Variants in TBCA observed in about 807,000 individuals in gnomAD.
TBCA encodes tubulin-specific chaperone A.
A neutral mutation model predicts 15.8 loss-of-function variants in TBCA; 6 were observed. That is an observed-to-expected ratio of 0.38 (90% CI 0.21 to 0.75). The LOEUF is 0.75. TBCA is among the 30% of genes least tolerant of loss of function. The pLI is 0.46. For missense variants in TBCA, 90 were observed against 131.2 expected, an observed-to-expected ratio of 0.69 and a Z score of 1.53; for synonymous variants, 32 against 42.3, an observed-to-expected ratio of 0.76 and a Z score of 0.94.
At chr5:77,753,716 T>C (rs1157564236) in intron 1 of TBCA, among the ~76,000 whole-genome samples, 3 of 152,232 alleles carry the variant, frequency 2.0e-5, no homozygotes, top group Non-Finnish European at 4.4e-5. Flanking sequence ...AGTTCAATTT[T>C]AACAAAAACT....
intron 2 of TBCA, among the ~76,000 whole-genome samples, chr5:77,696,038 C>T (rs1218845680): frequency 6.6e-6 from 1 of 152,116 alleles, no homozygotes. Context: ...AAAGGATATA[C>T]CCCAATTGGC....
chr5:77,767,470 T>C (rs1170589897), intron 1 of TBCA, among the ~76,000 whole-genome samples: 2 of 152,230 alleles, frequency 1.3e-5, no homozygotes, highest in Admixed American at 6.5e-5. Flanking sequence ...ATTTTGAAAT[T>C]AGGGTTCTCC....
Position 77,776,244 on chromosome 5 carries a change from C to T in TBCA, c.14G>A (p.Arg5His). 6.3e-7 allele frequency: 1 copy of T among 1,579,640 alleles called. No individual in the cohort carries two copies. Among genetic ancestry groups the T allele is most frequent in the Non-Finnish European group, 8.6e-7 (1 of 1,163,762 alleles). The change falls in exon 1 of 4, where the codon CGC becomes CAC. Residue 5 changes from arginine to histidine, a missense_variant. Arg to His is a conservative substitution (Grantham distance 29). Coordinates refer to ENST00000380377, the MANE Select transcript of TBCA (RefSeq NM_004607.3). MADPRVRQIKIKTGV... is the reference protein window; with the variant it reads MADPHVRQIKIKTGV... ...GGTCTTGATCTTGATCTGTCTCACG[C>T]GAGGATCGGCCATGGTCCCTCGAGC...
intron 1 of TBCA, among the ~76,000 whole-genome samples, chr5:77,726,549 T>C (rs1372010636): frequency 1.3e-5 from 2 of 152,204 alleles, no homozygotes; most frequent in Non-Finnish European, 2.9e-5. Flanking sequence ...AAAAATACTA[T>C]TGGATGTATT....
At chr5:77,694,044 A>G (rs1303238173) in intron 2 of TBCA, among the ~76,000 whole-genome samples, 2 of 152,164 alleles carry the variant, frequency 1.3e-5, no homozygotes, top group African/African-American at 4.8e-5. Flanking sequence ...TATCTCCTGC[A>G]TCTTTTGAGT....
chr5:77,735,489 CTG>C (rs1186463146), intron 1 of TBCA, among the ~76,000 whole-genome samples: 1 of 152,074 alleles, frequency 6.6e-6, no homozygotes, highest in Non-Finnish European at 1.5e-5. Flanking sequence ...TTAAATAAAA[CTG>C]TATTTAACAT....
intron 1 of TBCA, among the ~76,000 whole-genome samples, chr5:77,775,856 G>A (rs761565074): frequency 1.3e-5 from 2 of 152,204 alleles, no homozygotes; most frequent in Non-Finnish European, 1.5e-5. Context: ...AGGAGAGGCC[G>A]GCGCGCGCAC....
At chr5:77,697,918 C>T (rs1211712896) in intron 2 of TBCA, among the ~76,000 whole-genome samples, 1 of 151,772 alleles carries the variant, frequency 6.6e-6, no homozygotes, top group African/African-American at 2.4e-5. Context: ...TCGCTTGAGC[C>T]CAGGAATTCG....
chr5:77,705,222 A>T (rs1385823529), intron 2 of TBCA, among the ~76,000 whole-genome samples: 4 of 152,232 alleles, frequency 2.6e-5, no homozygotes, highest in Admixed American at 2.6e-4. Flanking sequence ...CCTCTACTCC[A>T]TGTAACTGAT....
intron 1 of TBCA, among the ~76,000 whole-genome samples, chr5:77,751,309 C>A (rs367808466): frequency 3.3e-5 from 5 of 151,624 alleles, no homozygotes; most frequent in Non-Finnish European, 4.4e-5. Context: ...TTATAGGCGC[C>A]CACCACCACG....
At chr5:77,739,401 T>C (rs1462166528) in intron 1 of TBCA, among the ~76,000 whole-genome samples, 2 of 152,136 alleles carry the variant, frequency 1.3e-5, no homozygotes, top group Non-Finnish European at 2.9e-5. Flanking sequence ...GCAGAGGTTG[T>C]GGTGAGCCAA....
intron 1 of TBCA, among the ~76,000 whole-genome samples, chr5:77,711,984 ATCAG>A (rs1323062988): frequency 1.3e-5 from 2 of 152,088 alleles, no homozygotes; most frequent in Non-Finnish European, 2.9e-5. Flanking sequence ...AAAAAAAAAA[ATCAG>A]TCAGTTAGTG....
intron 3 of TBCA, chr5:77,691,914 G>A: frequency 1.0e-6 from 1 of 988,848 alleles, no homozygotes; most frequent in Non-Finnish European, 1.2e-6. Context: ...TATTCACAAT[G>A]ACAAAGAAGG....
At chr5:77,775,718 C>G (rs1748004068) in intron 1 of TBCA, among the ~76,000 whole-genome samples, 1 of 152,208 alleles carries the variant, frequency 6.6e-6, no homozygotes, top group African/African-American at 2.4e-5. Flanking sequence ...CATGTTAGGT[C>G]ACACGGCTCC....
rs575482960 is a variant in TBCA at position 77,694,507 on chromosome 5, A to G, written c.160-1155T>C. 2.6e-5 allele frequency among the ~76,000 whole-genome samples: 4 copies of G among 152,340 alleles called. No homozygotes were observed. In the East Asian group the frequency reaches 5.8e-4, roughly 22 times the overall value. On this transcript the variant is annotated intron_variant, in intron 2 of 3. Transcript: ENST00000380377. ...AGGGAAACCCAATTGATAAGAGTAA[A>G]TAAGTTAATGCCACATATTGGACTT...
At chr5:77,754,185 T>A (rs1000013429) in intron 1 of TBCA, among the ~76,000 whole-genome samples, 2 of 152,250 alleles carry the variant, frequency 1.3e-5, no homozygotes, top group Non-Finnish European at 2.9e-5. Context: ...CATTTTATTT[T>A]AGGATAAAAA....
At chr5:77,770,214 A>C (rs1223812250) in intron 1 of TBCA, among the ~76,000 whole-genome samples, 1 of 152,236 alleles carries the variant, frequency 6.6e-6, no homozygotes, top group South Asian at 2.1e-4. Context: ...CTGAAATACC[A>C]CATTTAGAAA....
At chr5:77,704,593 T>TGCC (rs1294022612) in intron 2 of TBCA, among the ~76,000 whole-genome samples, 2 of 152,136 alleles carry the variant, frequency 1.3e-5, no homozygotes, top group African/African-American at 4.8e-5. Flanking sequence ...ACAATAAATG[T>TGCC]TAAGAAAACC....
At chr5:77,749,291 A>G (rs1747260325) in intron 1 of TBCA, among the ~76,000 whole-genome samples, 2 of 152,248 alleles carry the variant, frequency 1.3e-5, no homozygotes, top group Non-Finnish European at 2.9e-5. Context: ...AAATTATTAC[A>G]GTAGTACAGC....
Sources: allele counts gnomAD v4.1 joint callset (sites outside exome capture counted in the v4.1 genomes callset), GRCh38; gene constraint gnomAD v4.1.1; transcripts MANE v1.5; gene names NCBI Gene and HGNC (gene_info 2026-07-23, HGNC 2026-07-21).